LRRC74A: variants seen among roughly 807,000 people sequenced by gnomAD.
LRRC74A encodes leucine rich repeat containing 74A.
Under a neutral mutation model 57.9 loss-of-function variants are expected in LRRC74A, and 44 were observed. That is an observed-to-expected ratio of 0.76 (90% CI 0.60 to 0.98). The LOEUF (loss-of-function observed/expected upper bound fraction) is 0.98. Among genes scored for constraint, LRRC74A ranks in the 50% least tolerant of loss-of-function variants. The probability of loss-of-function intolerance (pLI) is 0.00; values close to 1 mark genes in which losing one functional copy is unlikely to be tolerated. For missense variants in LRRC74A, 572 were observed against 574.0 expected, an observed-to-expected ratio of 1.00 and a Z score of 0.04; for synonymous variants, 211 against 219.4, an observed-to-expected ratio of 0.96 and a Z score of 0.34.
intron 2 of LRRC74A, among the ~76,000 whole-genome samples, chr14:76,830,337 G>A (rs1895883275): frequency 6.6e-6 from 1 of 152,228 alleles, no homozygotes; most frequent in African/African-American, 2.4e-5. Flanking sequence ...CCATAGGCTG[G>A]ACTTGCCTAA....
chr14:76,831,492 A>G, intron 3 of LRRC74A, 117 bp downstream of exon 3: 1 of 1,094,572 alleles, frequency 9.1e-7, no homozygotes, highest in Non-Finnish European at 1.3e-6. Flanking sequence ...TTATGCCCTT[A>G]TGCCACACTG....
At chr14:76,837,360 G>T (rs901262509) in intron 4 of LRRC74A, among the ~76,000 whole-genome samples, 1 of 152,134 alleles carries the variant, frequency 6.6e-6, no homozygotes, top group South Asian at 2.1e-4. Context: ...ATCATAAAAA[G>T]AAATTCAAAG....
chr14:76,861,836 C>G (rs1898335893), intron 11 of LRRC74A, among the ~76,000 whole-genome samples: 2 of 152,218 alleles, frequency 1.3e-5, no homozygotes, highest in Non-Finnish European at 2.9e-5. Flanking sequence ...GGGGATGCTG[C>G]TCTGCCAATG....
intron 5 of LRRC74A, among the ~76,000 whole-genome samples, chr14:76,844,180 C>A (rs952656234): frequency 7.9e-5 from 12 of 152,108 alleles, no homozygotes; most frequent in African/African-American, 2.7e-4. Flanking sequence ...TTTAAAAATT[C>A]TTTGTAGAGA....
chr14:76,862,630 G>A (rs944924268), intron 11 of LRRC74A, among the ~76,000 whole-genome samples: 27 of 152,166 alleles, frequency 1.8e-4, no homozygotes, highest in Non-Finnish European at 5.9e-5. Flanking sequence ...CGTAGGATTC[G>A]GCAACCAGAA....
intron 3 of LRRC74A, among the ~76,000 whole-genome samples, chr14:76,833,308 G>A (rs746913853): frequency 1.3e-5 from 2 of 152,070 alleles, no homozygotes; most frequent in Non-Finnish European, 2.9e-5. Context: ...CACTGTCATT[G>A]TTGGTTGCTA....
intron 11 of LRRC74A, among the ~76,000 whole-genome samples, chr14:76,862,904 T>C (rs1898428601): frequency 1.3e-5 from 2 of 152,114 alleles, no homozygotes; most frequent in Admixed American, 6.6e-5. Flanking sequence ...CGAGTTTGAT[T>C]CCATCGGGAA....
At position 76,844,324 on chromosome 14, in the gene LRRC74A, G is replaced by A. The variant is rs184493438; in HGVS notation, c.545-99G>A. On this transcript the variant is annotated intron_variant, in intron 5 of 13. Transcript: ENST00000689127. ...GGCCCCTACCACCTTTTTTCTGTTC[G>A]ATTGTTCTAAAGGGAAGTGGACTGG... 25 of 1,148,630 alleles carry A rather than the reference G, an allele frequency of 2.2e-5. No homozygotes were observed. The South Asian group carries it at 2.3e-4, about 11-fold the overall frequency. The allele number at this position is 1,148,630 out of a possible 1,614,324, so 71.2% of individuals were successfully genotyped here.
intron 4 of LRRC74A, among the ~76,000 whole-genome samples, chr14:76,836,854 A>G (rs1373277885): frequency 6.6e-6 from 1 of 151,186 alleles, no homozygotes; most frequent in Non-Finnish European, 1.5e-5. Flanking sequence ...AAAAATGATA[A>G]ATGTGGCCAG....
At chr14:76,838,478 T>C (rs980801822) in intron 5 of LRRC74A, among the ~76,000 whole-genome samples, 1 of 140,966 alleles carries the variant, frequency 7.1e-6, no homozygotes, top group Non-Finnish European at 1.7e-5. Flanking sequence ...ATTTTATCTA[T>C]CTTTGCAGCA....
In LRRC74A at chr14:76,828,410, G is replaced by A. The variant is rs1895732903; in HGVS notation, c.157G>A (p.Glu53Lys). The A allele has an allele frequency of 1.9e-6, 3 of 1,614,016 alleles. No individual in the cohort carries two copies. The East Asian group carries it at 6.7e-5, about 36-fold the overall frequency. ...CCGGGAGAATTCGGAAACAGACCTGGAGATTGAAGGCGAGCATGGGCATTT... is the reference window on the plus strand; with the variant it reads ...CCGGGAGAATTCGGAAACAGACCTGAAGATTGAAGGCGAGCATGGGCATTT... ...PARENSETDL[E>K]IEDDEKFFTT... The change falls in exon 2 of 14, where the codon GAG becomes AAG. Residue 53 changes from glutamate (E) to lysine (K), a missense_variant. Coordinates refer to ENST00000689127, the MANE Select transcript of LRRC74A (RefSeq NM_001385106.1).
intron 5 of LRRC74A, among the ~76,000 whole-genome samples, chr14:76,840,888 A>T (rs553283782): frequency 1.5e-3 from 221 of 152,054 alleles, no homozygotes; most frequent in African/African-American, 5.2e-3. Flanking sequence ...TGGCCTATTT[A>T]TGTATTTCTA....
At chr14:76,836,807 A>G (rs1021319448) in intron 4 of LRRC74A, among the ~76,000 whole-genome samples, 1 of 151,032 alleles carries the variant, frequency 6.6e-6, no homozygotes, top group Admixed American at 6.6e-5. Flanking sequence ...AAAAAAAAAA[A>G]AAAGAAACCA....
At chr14:76,832,814 C>CT (rs34279101) in intron 3 of LRRC74A, among the ~76,000 whole-genome samples, 27,727 of 152,050 alleles carry the variant, frequency 0.18, 2,698 homozygotes, top group Middle Eastern at 0.24. Flanking sequence ...TTTCACAATG[C>CT]TGCAATGTTA....
rs139905218 is a variant in LRRC74A, at chr14:76,832,047, A to T, written c.339+672A>T. 3.7e-3 allele frequency among the ~76,000 whole-genome samples: 560 copies of T among 152,344 alleles called. 3 individuals carry two copies. Among genetic ancestry groups the T allele is most frequent in the African/African-American group, 0.013 (532 of 41,580 alleles). ...AAAAGTAAACAGAAAATTCCATTAT[A>T]AAAAAGCTCAGTAAGGTAGAGAGGT... On this transcript the variant is annotated intron_variant, in intron 3 of 13. Coordinates refer to ENST00000689127, the MANE Select transcript of LRRC74A (RefSeq NM_001385106.1).
Position 76,870,247 on chromosome 14 carries a change from A to G in LRRC74A, c.*98A>G. Reference sequence around the variant, plus strand: ...CAAGAGGTGGCTGAAATCTCGATGGACAGATGCTGTGGCAGGGGCTGGGCA... The same window carrying G: ...CAAGAGGTGGCTGAAATCTCGATGGGCAGATGCTGTGGCAGGGGCTGGGCA... On this transcript the variant is annotated 3_prime_UTR_variant, in exon 14 of 14. Coordinates refer to ENST00000689127, the MANE Select transcript of LRRC74A (RefSeq NM_001385106.1). 1 of 1,322,002 alleles carries G rather than the reference A, an allele frequency of 7.6e-7. No individual in the cohort carries two copies. Among genetic ancestry groups the G allele is most frequent in the Non-Finnish European group, 1.1e-6 (1 of 937,844 alleles). The allele number at this position is 1,322,002 out of a possible 1,614,324, so 81.9% of individuals were successfully genotyped here.
At chr14:76,865,286 G>A (rs1485700472) in intron 11 of LRRC74A, among the ~76,000 whole-genome samples, 1 of 152,088 alleles carries the variant, frequency 6.6e-6, no homozygotes, top group Non-Finnish European at 1.5e-5. Flanking sequence ...CAGTATTTGA[G>A]GAATGAGAAA....
intron 9 of LRRC74A, among the ~76,000 whole-genome samples, chr14:76,855,159 C>T (rs1333204038): frequency 6.6e-6 from 1 of 152,170 alleles, no homozygotes; most frequent in African/African-American, 2.4e-5. Context: ...AGGAGGAAGC[C>T]AGATTCTGAC....
At chr14:76,853,443 G>GTGTGTGTGTGTC in intron 9 of LRRC74A, 33 bp downstream of exon 9, 1 of 1,445,408 alleles carries the variant, frequency 6.9e-7, no homozygotes. Context: ...GTGTGTGTGT[G>GTGTGTGTGTGTC]TGTGTGTGTG....
Sources: gnomAD v4.1 joint callset for allele counts (sites outside exome capture counted in the v4.1 genomes callset) on GRCh38, gnomAD v4.1.1 for gene constraint, MANE v1.5 for transcripts, NCBI Gene and HGNC (gene_info 2026-07-23, HGNC 2026-07-21) for gene names.